ANKRD10: variants seen among roughly 807,000 people sequenced by gnomAD.
ANKRD10 encodes ankyrin repeat domain-containing protein 10.
A neutral mutation model predicts 27.0 loss-of-function variants in ANKRD10; 14 were observed. The ratio of observed to expected loss-of-function variants is 0.52; its 90% confidence interval spans 0.34 to 0.81. The LOEUF is 0.81. Among genes scored for constraint, ANKRD10 ranks in the 40% least tolerant of loss-of-function variants. The pLI is 0.01. For synonymous variants in ANKRD10, 250 were observed against 224.5 expected (o/e 1.11, Z -1.01); for missense variants, 493 against 544.0 (o/e 0.91, Z 0.93).
chr13:110,911,002 G>A (rs924124550), intron 1 of ANKRD10, among the ~76,000 whole-genome samples: 3 of 152,088 alleles, frequency 2.0e-5, no homozygotes, highest in Admixed American at 6.5e-5. Flanking sequence ...GCAAAAAGAC[G>A]ACTAACACTA....
chr13:110,892,880 G>T, intron 4 of ANKRD10, 148 bp downstream of exon 4: 6 of 1,440,254 alleles, frequency 4.2e-6, no homozygotes, highest in South Asian at 1.5e-5. Context: ...CAGTACAGGA[G>T]AAATCTCCAC....
intron 2 of ANKRD10, among the ~76,000 whole-genome samples, chr13:110,906,610 C>T (rs2065544781): frequency 6.6e-6 from 1 of 152,182 alleles, no homozygotes; most frequent in Non-Finnish European, 1.5e-5. Flanking sequence ...GATCTTGAAT[C>T]TTCTGCTTTG....
intron 1 of ANKRD10, chr13:110,911,897 C>T (rs893444780): frequency 6.6e-6 from 1 of 152,214 alleles, no homozygotes; most frequent in Non-Finnish European, 1.5e-5. Flanking sequence ...CACAAGCCAG[C>T]ACTGAATACT....
At chr13:110,883,602 C>A (rs770053171) in intron 5 of ANKRD10, 96 bp downstream of exon 5, 2 of 1,559,432 alleles carry the variant, frequency 1.3e-6, no homozygotes, top group African/African-American at 1.4e-5. Context: ...GTATATATTT[C>A]TATTTCTTTT....
chr13:110,896,989 A>T (rs1465339009), intron 3 of ANKRD10, among the ~76,000 whole-genome samples: 3 of 19,760 alleles, frequency 1.5e-4, no homozygotes, highest in East Asian at 7.8e-3. Context: ...ATAGGGATTA[A>T]AAAAAACCAG....
At chr13:110,884,837 T>C (rs2064886123) in intron 4 of ANKRD10, among the ~76,000 whole-genome samples, 1 of 152,230 alleles carries the variant, frequency 6.6e-6, no homozygotes, top group Non-Finnish European at 1.5e-5. Context: ...ACCTCCTTCA[T>C]ATAAACATTT....
In ANKRD10 at chr13:110,879,852, G is replaced by T; in HGVS notation, c.1048C>A (p.Leu350Met). The T allele has an allele frequency of 1.2e-6, 2 of 1,614,232 alleles. No individual in the cohort carries two copies. The highest frequency in any genetic ancestry group is 8.5e-7 in the Non-Finnish European group (1 of 1,180,048). ...ANPELCGSLHLNGSPSSCIAS... is the reference protein window; with the variant it reads ...ANPELCGSLHMNGSPSSCIAS... The stretch of plus-strand genomic sequence containing the variant: ...ATGCAGCTACTTGGACTCCCGTTCA[G>T]GTGCAGAGAACCGCACAACTCAGGG... The change falls in exon 6 of 6, where the codon CTG (leucine) becomes ATG (methionine). Residue 350 changes from leucine to methionine, a missense_variant. Transcript: ENST00000267339.
At chr13:110,908,089 T>C (rs2065589328) in intron 2 of ANKRD10, among the ~76,000 whole-genome samples, 1 of 151,296 alleles carries the variant, frequency 6.6e-6, no homozygotes, top group African/African-American at 2.4e-5. Context: ...AAGAGCCAGG[T>C]GAAGGTGCCC....
intron 1 of ANKRD10, among the ~76,000 whole-genome samples, chr13:110,914,205 G>A (rs1413037724): frequency 1.3e-5 from 2 of 152,154 alleles, no homozygotes; most frequent in African/African-American, 4.8e-5. Flanking sequence ...GCGGCCCTCG[G>A]CTACTGGCGA....
chr13:110,888,722 C>G (rs531602277), intron 4 of ANKRD10, among the ~76,000 whole-genome samples: 1 of 152,304 alleles, frequency 6.6e-6, no homozygotes, highest in African/African-American at 2.4e-5. Flanking sequence ...CAGGTTAAAT[C>G]CACTCTGGGA....
chr13:110,909,796 G>T (rs968432229), intron 2 of ANKRD10, among the ~76,000 whole-genome samples: 30 of 152,280 alleles, frequency 2.0e-4, no homozygotes, highest in African/African-American at 7.0e-4. Context: ...TCTTGGGAAA[G>T]AAAAGTAGAA....
At chr13:110,914,535 G>T in intron 1 of ANKRD10, 190 bp downstream of exon 1, 1 of 740,028 alleles carries the variant, frequency 1.4e-6, no homozygotes, top group African/African-American at 1.8e-5. Flanking sequence ...CCCCCCGGCT[G>T]CCCCGCCGCG....
intron 3 of ANKRD10, 149 bp from the exon 4 acceptor site, chr13:110,893,412 G>C (rs1234158757): frequency 5.7e-6 from 4 of 703,948 alleles, no homozygotes; most frequent in East Asian, 2.7e-5. Context: ...AATCAATCTA[G>C]CTCTGTAACT....
chr13:110,894,421 A>AAAACAAAAAAAAC (rs2065172680), intron 3 of ANKRD10: 1 of 314,054 alleles, frequency 3.2e-6, no homozygotes, highest in Non-Finnish European at 5.8e-6. Context: ...AAAAAAAAAA[A>AAAACAAAAAAAAC]AAAAAACCCC....
chr13:110,896,722 C>A (rs565461336), intron 3 of ANKRD10, among the ~76,000 whole-genome samples: 1 of 152,320 alleles, frequency 6.6e-6, no homozygotes, highest in Non-Finnish European at 1.5e-5. Context: ...AGCCTCAAGG[C>A]AATTGAGCAT....
At chr13:110,909,814 T>A (rs1197434596) in intron 2 of ANKRD10, among the ~76,000 whole-genome samples, 2 of 152,184 alleles carry the variant, frequency 1.3e-5, no homozygotes, top group Non-Finnish European at 2.9e-5. Context: ...GAAAGACGAC[T>A]TTGCATCCAA....
chr13:110,879,537 AC>A lies in ANKRD10; in HGVS notation c.*99del. ...TTCAGAAAGTTGAAGTATATAAAAA[AC>A]GTACAAGTTGTGACATTCGTTCAAG... On this transcript the variant is annotated 3_prime_UTR_variant, in exon 6 of 6. Coordinates refer to ENST00000267339, the MANE Select transcript of ANKRD10 (RefSeq NM_017664.4). 5.5e-6 allele frequency: 5 copies of A among 905,294 alleles called. No individual in the cohort carries two copies. Among genetic ancestry groups the A allele is most frequent in the African/African-American group, 1.7e-5 (1 of 59,744 alleles). The allele number at this position is 905,294 out of a possible 1,614,324, so 56.1% of individuals were successfully genotyped here. A position where few individuals can be genotyped will look rare whatever the true frequency, so the allele number is the denominator to read the frequency against.
At chr13:110,892,521 A>G (rs979049474) in intron 4 of ANKRD10, among the ~76,000 whole-genome samples, 4 of 151,162 alleles carry the variant, frequency 2.6e-5, no homozygotes, top group East Asian at 1.9e-4. Flanking sequence ...TCTTGCTGTG[A>G]TAAGTCAACA....
chr13:110,911,385 G>GA (rs1310388740), intron 1 of ANKRD10, among the ~76,000 whole-genome samples: 2 of 152,136 alleles, frequency 1.3e-5, no homozygotes, highest in African/African-American at 4.8e-5. Context: ...CCAGAAGGCG[G>GA]AGGTTGCAGA....
Sources: gnomAD v4.1 joint callset for allele counts (sites outside exome capture counted in the v4.1 genomes callset) on GRCh38, gnomAD v4.1.1 for gene constraint, MANE v1.5 for transcripts, NCBI Gene and HGNC (gene_info 2026-07-23, HGNC 2026-07-21) for gene names.